Variants in FRMD4B observed in about 807,000 individuals in gnomAD.
FRMD4B encodes FERM domain-containing protein 4B.
A neutral mutation model predicts 141.5 loss-of-function variants in FRMD4B; 74 were observed. That is an observed-to-expected ratio of 0.52 (90% CI 0.43 to 0.63). FRMD4B has a LOEUF of 0.63. FRMD4B is among the 30% of genes least tolerant of loss of function. The pLI is 0.00. For synonymous variants in FRMD4B, 506 were observed against 467.9 expected (o/e 1.08, Z -1.05); for missense variants, 1,366 against 1,253.4 (o/e 1.09, Z -1.36).
chr3:69,248,637 C>G (rs1306799934), intron 7 of FRMD4B, among the ~76,000 whole-genome samples: 1 of 152,214 alleles, frequency 6.6e-6, no homozygotes, highest in East Asian at 1.9e-4. Context: ...TTCTCTACAA[C>G]TCCAACGATT....
At chr3:69,345,566 C>T (rs1235022387) in intron 1 of FRMD4B, among the ~76,000 whole-genome samples, 1 of 152,188 alleles carries the variant, frequency 6.6e-6, no homozygotes, top group Non-Finnish European at 1.5e-5. Flanking sequence ...CCCGAATAGC[C>T]TAACAGGGTG....
chr3:69,494,639 C>A (rs1201135346), intron 1 of FRMD4B, among the ~76,000 whole-genome samples: 2 of 152,138 alleles, frequency 1.3e-5, no homozygotes, highest in African/African-American at 2.4e-5. Flanking sequence ...TACATGTAAT[C>A]CCAGCACTTT....
intron 7 of FRMD4B, among the ~76,000 whole-genome samples, chr3:69,234,454 T>C (rs181572851): frequency 6.6e-6 from 1 of 152,198 alleles, no homozygotes; most frequent in Admixed American, 6.5e-5. Context: ...CCTGGGTGAT[T>C]AGCAGTTTAA....
chr3:69,193,625 A>C, intron 17 of FRMD4B, 23 bp downstream of exon 17: 1 of 1,481,040 alleles, frequency 6.8e-7, no homozygotes, highest in Non-Finnish European at 9.3e-7. Flanking sequence ...GACTCAAAAA[A>C]AAAAACCTTA....
At chr3:69,256,886 T>C (rs1252271870) in intron 5 of FRMD4B, among the ~76,000 whole-genome samples, 1 of 152,226 alleles carries the variant, frequency 6.6e-6, no homozygotes, top group Non-Finnish European at 1.5e-5. Context: ...TTATGGGGGA[T>C]GGTCTCAGTG....
At chr3:69,241,820 G>A (rs1167444694) in intron 7 of FRMD4B, among the ~76,000 whole-genome samples, 7 of 151,920 alleles carry the variant, frequency 4.6e-5, no homozygotes, top group African/African-American at 1.5e-4. Flanking sequence ...AGTGAGCTGC[G>A]ATTGCACCAC....
intron 1 of FRMD4B, among the ~76,000 whole-genome samples, chr3:69,369,864 A>G (rs976939146): frequency 3.4e-5 from 5 of 145,722 alleles, no homozygotes; most frequent in African/African-American, 1.3e-4. Flanking sequence ...TCTCCTGAGA[A>G]ACATTTGGGA....
intron 7 of FRMD4B, 59 bp from the exon 8 acceptor site, chr3:69,224,749 CG>C: frequency 1.3e-6 from 1 of 796,534 alleles, no homozygotes; most frequent in African/African-American, 1.7e-5. Flanking sequence ...TTATGCAAGC[CG>C]GTCACCAAAT....
At chr3:69,540,697 G>C (rs1046107444) in intron 1 of FRMD4B, among the ~76,000 whole-genome samples, 163 of 122,524 alleles carry the variant, frequency 1.3e-3, no homozygotes, top group African/African-American at 5.4e-3. Context: ...ACACACGGCA[G>C]TTATTGTTAT....
intron 3 of FRMD4B, among the ~76,000 whole-genome samples, chr3:69,308,955 A>C (rs980590812): frequency 6.6e-6 from 1 of 152,036 alleles, no homozygotes; most frequent in African/African-American, 2.4e-5. Context: ...TCTTCAATGC[A>C]CTTATAATTG....
At chr3:69,286,189 A>C (rs576232795) in intron 5 of FRMD4B, among the ~76,000 whole-genome samples, 2 of 152,358 alleles carry the variant, frequency 1.3e-5, no homozygotes, top group Admixed American at 1.3e-4. Context: ...ACAGACAGAA[A>C]TATTAACCTA....
At chr3:69,231,252 G>A (rs1324421572) in intron 7 of FRMD4B, among the ~76,000 whole-genome samples, 3 of 152,158 alleles carry the variant, frequency 2.0e-5, no homozygotes, top group African/African-American at 7.2e-5. Context: ...TGGGGTCCTG[G>A]CAACATTCCT....
chr3:69,498,537 G>C (rs559287038), intron 1 of FRMD4B, among the ~76,000 whole-genome samples: 13 of 152,302 alleles, frequency 8.5e-5, no homozygotes, highest in African/African-American at 2.2e-4. Flanking sequence ...GAGCTTAGAA[G>C]TATTTTCTGG....
At chr3:69,537,469 C>G (rs1701105999) in intron 1 of FRMD4B, among the ~76,000 whole-genome samples, 1 of 152,188 alleles carries the variant, frequency 6.6e-6, no homozygotes, top group African/African-American at 2.4e-5. Context: ...ACTGTTTTCA[C>G]TAGATTAGCA....
chr3:69,311,334 C>G lies in FRMD4B; in HGVS notation c.252G>C (p.Leu84Phe). 1 of 1,602,192 alleles carries G rather than the reference C, an allele frequency of 6.2e-7. No homozygotes were observed. The change falls in exon 3 of 23, where the codon TTG becomes TTC. Residue 84 changes from leucine (L) to phenylalanine (F), a missense_variant. Leu to Phe is a conservative substitution (Grantham distance 22). Coordinates refer to ENST00000398540, the MANE Select transcript of FRMD4B (RefSeq NM_015123.3). ...LVQPKLLARE[L>F]LDLVASHFNL... ...TGAAATGTGAAGCCACTAGGTCCAG[C>G]AACTCTCTTGCTAGAAGTTTGGGCT...
intron 7 of FRMD4B, among the ~76,000 whole-genome samples, chr3:69,244,751 G>T (rs756210898): frequency 6.6e-6 from 1 of 151,914 alleles, no homozygotes; most frequent in Non-Finnish European, 1.5e-5. Context: ...AAAATTAGCC[G>T]GGCATGGTTG....
intron 22 of FRMD4B, among the ~76,000 whole-genome samples, chr3:69,174,499 T>G (rs1457502353): frequency 6.6e-6 from 1 of 152,178 alleles, no homozygotes; most frequent in Non-Finnish European, 1.5e-5. Context: ...TATGGCTAAT[T>G]TATTTCCTAC....
At chr3:69,353,118 G>A (rs958488714) in intron 1 of FRMD4B, among the ~76,000 whole-genome samples, 1 of 151,870 alleles carries the variant, frequency 6.6e-6, no homozygotes, top group South Asian at 2.1e-4. Context: ...AAGAAAAAAG[G>A]AGAGTGGTGG....
rs113589113 is a variant in FRMD4B at position 69,391,252 on chromosome 3, T to A, written c.-1+41382A>T. ...ATTTATTATTTATTTATTTTTATTTTTTTTTATTATTATACTTTTAAGTTC... is the reference window on the plus strand; with the variant it reads ...ATTTATTATTTATTTATTTTTATTTATTTTTATTATTATACTTTTAAGTTC... On this transcript the variant is annotated intron_variant, in intron 2 of 5. Coordinates refer to the FRMD4B transcript ENST00000459638. Among the ~76,000 whole-genome samples, 220 of 151,804 alleles carry A rather than the reference T, an allele frequency of 1.4e-3. 2 individuals are homozygous for A. Among genetic ancestry groups the A allele is most frequent in the African/African-American group, 4.8e-3 (201 of 41,488 alleles).
Sources: gnomAD v4.1 joint callset for allele counts (sites outside exome capture counted in the v4.1 genomes callset) on GRCh38, gnomAD v4.1.1 for gene constraint, MANE v1.5 for transcripts, NCBI Gene and HGNC (gene_info 2026-07-23, HGNC 2026-07-21) for gene names.